Variants in CPPED1 observed in about 807,000 individuals in gnomAD.
CPPED1 encodes calcineurin like phosphoesterase domain containing 1.
CPPED1 carries 28 observed loss-of-function variants against 28.0 expected under a neutral mutation model. The observed-to-expected ratio is 1.00, with a 90% CI of 0.74 to 1.37. CPPED1 has a LOEUF of 1.37. Ranked by LOEUF, CPPED1 falls within the 40% of genes most tolerant of loss-of-function variation. The pLI, the probability that CPPED1 is intolerant of heterozygous loss-of-function variation, is 0.00. For missense variants in CPPED1, 504 were observed against 416.5 expected (o/e 1.21, Z -1.83); for synonymous variants, 198 against 180.2 (o/e 1.10, Z -0.79).
chr16:12,700,612 G>A lies in CPPED1; in HGVS notation c.715+4012C>T, dbSNP rs537539625. ...TCGCCCTGCTGGCCAGGCTGGTCTT[G>A]AACTCCTGACTTCAGGTGATCCACC... On this transcript the variant is annotated intron_variant, in intron 3 of 3. Coordinates refer to ENST00000381774, the MANE Select transcript of CPPED1 (RefSeq NM_018340.3). Among the ~76,000 whole-genome samples, 9 of 152,340 alleles carry A rather than the reference G, an allele frequency of 5.9e-5. No individual in the cohort carries two copies. In the South Asian group the frequency reaches 1.9e-3, roughly 32 times the overall value.
At chr16:12,730,673 G>A (rs537160396) in intron 2 of CPPED1, among the ~76,000 whole-genome samples, 5 of 152,294 alleles carry the variant, frequency 3.3e-5, no homozygotes, top group South Asian at 2.1e-4. Context: ...CACATACAGC[G>A]AAAGAAGCCA....
intron 2 of CPPED1, among the ~76,000 whole-genome samples, chr16:12,774,670 A>C (rs2080487498): frequency 6.6e-6 from 1 of 152,146 alleles, no homozygotes; most frequent in African/African-American, 2.4e-5. Flanking sequence ...CCAGTGTGGC[A>C]GTTCTGAGAG....
chr16:12,803,872 G>T lies in CPPED1; in HGVS notation c.-96C>A. 2 of 1,195,874 alleles carry T rather than the reference G, an allele frequency of 1.7e-6. No homozygotes were observed. Among genetic ancestry groups the T allele is most frequent in the Non-Finnish European group, 1.1e-6 (1 of 874,038 alleles). The allele number at this position is 1,195,874 out of a possible 1,614,324, so 74.1% of individuals were successfully genotyped here. A position where few individuals can be genotyped will look rare whatever the true frequency, so the allele number is the denominator to read the frequency against. On this transcript the variant is annotated 5_prime_UTR_variant, in exon 1 of 4. Coordinates refer to ENST00000381774, the MANE Select transcript of CPPED1 (RefSeq NM_018340.3). ...CCGCTGGACCTGTCCCGCTTTGGGC[G>T]ACGCCCTTTGATCTCGGGGCGGGAC...
At chr16:12,756,382 T>C (rs2080368318) in intron 2 of CPPED1, among the ~76,000 whole-genome samples, 1 of 152,184 alleles carries the variant, frequency 6.6e-6, no homozygotes, top group Non-Finnish European at 1.5e-5. Flanking sequence ...ACTCTGGGGC[T>C]GTGGCAGCAG....
At chr16:12,790,583 T>C (rs548191553) in intron 1 of CPPED1, among the ~76,000 whole-genome samples, 2 of 152,282 alleles carry the variant, frequency 1.3e-5, no homozygotes, top group Admixed American at 1.3e-4. Context: ...TAATTCACGG[T>C]AGAATACAAT....
chr16:12,725,578 G>A (rs1567287485), intron 2 of CPPED1, among the ~76,000 whole-genome samples: 1 of 152,088 alleles, frequency 6.6e-6, no homozygotes, highest in Non-Finnish European at 1.5e-5. Flanking sequence ...GGGGAGGGAG[G>A]AATGAGGACT....
At chr16:12,768,132 A>C (rs557754857) in intron 2 of CPPED1, among the ~76,000 whole-genome samples, 1 of 152,192 alleles carries the variant, frequency 6.6e-6, no homozygotes, top group South Asian at 2.1e-4. Context: ...TGAACCTTCA[A>C]CTGAATTCTA....
chr16:12,727,171 A>G (rs2080174517), intron 2 of CPPED1, among the ~76,000 whole-genome samples: 1 of 152,200 alleles, frequency 6.6e-6, no homozygotes, highest in Non-Finnish European at 1.5e-5. Context: ...TGTCCAGTAT[A>G]GAGGGGTTTT....
At chr16:12,667,447 A>C (rs776588083) in intron 3 of CPPED1, among the ~76,000 whole-genome samples, 19 of 152,178 alleles carry the variant, frequency 1.2e-4, no homozygotes, top group Admixed American at 6.5e-4. Context: ...ATTTAAAATA[A>C]AAACAACCCT....
rs182991760 is a variant in CPPED1 at position 12,681,747 on chromosome 16, C to A, written c.716-16632G>T. On this transcript the variant is annotated intron_variant, in intron 3 of 3. Coordinates refer to ENST00000381774, the MANE Select transcript of CPPED1 (RefSeq NM_018340.3). Reference sequence around the variant, plus strand: ...AGGTTCAGTGGTCACAGTTATCACACCAACACCTGGAGGCAGCTGAGGGGG... The same window carrying A: ...AGGTTCAGTGGTCACAGTTATCACAACAACACCTGGAGGCAGCTGAGGGGG... Among the ~76,000 whole-genome samples, 10 of 152,132 alleles carry A rather than the reference C, an allele frequency of 6.6e-5. No homozygotes were observed. In the South Asian group the frequency reaches 1.7e-3, roughly 25 times the overall value.
chr16:12,747,845 A>G (rs754788755), intron 2 of CPPED1, among the ~76,000 whole-genome samples: 2 of 152,222 alleles, frequency 1.3e-5, no homozygotes, highest in Admixed American at 6.5e-5. Context: ...CATGTTAAAT[A>G]TAACATATAA....
intron 3 of CPPED1, among the ~76,000 whole-genome samples, chr16:12,679,641 T>C (rs1423086702): frequency 1.3e-5 from 2 of 152,294 alleles, no homozygotes; most frequent in East Asian, 3.9e-4. Context: ...ACAATGTATC[T>C]TTTACTTATT....
intron 3 of CPPED1, among the ~76,000 whole-genome samples, chr16:12,696,605 C>A (rs965102694): frequency 2.0e-5 from 3 of 151,944 alleles, no homozygotes; most frequent in African/African-American, 7.3e-5. Context: ...CCACGCTCCA[C>A]TAATTTTTTG....
intron 2 of CPPED1, among the ~76,000 whole-genome samples, chr16:12,724,106 C>T (rs2080156573): frequency 6.6e-6 from 1 of 152,150 alleles, no homozygotes; most frequent in African/African-American, 2.4e-5. Flanking sequence ...CCCCAGGTTC[C>T]CTCTGGGGCT....
rs535691807 is a variant in CPPED1 at position 12,676,747 on chromosome 16, T to G, written c.716-11632A>C. On this transcript the variant is annotated intron_variant, in intron 3 of 3. Transcript: ENST00000381774. ...CCTGAGGCCTGAGGGGGCATCATAT[T>G]ATGGTGGTAATAATAATAATGATGA... Among the ~76,000 whole-genome samples, 103 of 152,240 alleles carry G rather than the reference T, an allele frequency of 6.8e-4. 1 individual carries two copies. Among genetic ancestry groups the G allele is most frequent in the Non-Finnish European group, 1.3e-3 (89 of 68,024 alleles).
intron 3 of CPPED1, among the ~76,000 whole-genome samples, chr16:12,700,741 T>C (rs1360349234): frequency 2.6e-5 from 4 of 152,222 alleles, no homozygotes; most frequent in Non-Finnish European, 4.4e-5. Context: ...ACATTTATTA[T>C]GAGCTAATAT....
chr16:12,743,870 T>G (rs1423604680), intron 2 of CPPED1, among the ~76,000 whole-genome samples: 3 of 152,072 alleles, frequency 2.0e-5, no homozygotes, highest in Non-Finnish European at 4.4e-5. Context: ...CCAGGAGTGG[T>G]GGCTCACACC....
At chr16:12,776,963 C>G (rs1037027087) in intron 2 of CPPED1, among the ~76,000 whole-genome samples, 9 of 152,168 alleles carry the variant, frequency 5.9e-5, no homozygotes, top group Admixed American at 2.0e-4. Context: ...ATTGTGAGGT[C>G]TCTCCAGCCA....
At chr16:12,753,131 A>G (rs1172533415) in intron 2 of CPPED1, 1 of 151,990 alleles carries the variant, frequency 6.6e-6, no homozygotes, top group African/African-American at 2.4e-5. Flanking sequence ...ACTGTGAAAA[A>G]TATTTCTTTG....
Sources: allele counts gnomAD v4.1 joint callset (sites outside exome capture counted in the v4.1 genomes callset), GRCh38; gene constraint gnomAD v4.1.1; transcripts MANE v1.5; gene names NCBI Gene and HGNC (gene_info 2026-07-23, HGNC 2026-07-21).